Variants in TLN2 observed in about 807,000 individuals in gnomAD.
TLN2 encodes talin-2.
A neutral mutation model predicts 294.7 loss-of-function variants in TLN2; 118 were observed. The observed-to-expected ratio is 0.40, with a 90% CI of 0.34 to 0.47. The LOEUF is 0.47. TLN2 is among the 20% of genes least tolerant of loss of function. The pLI is 0.84. For missense variants in TLN2, 3,083 were observed against 3,282.2 expected (o/e 0.94, Z 1.48); for synonymous variants, 1,431 against 1,304.5 (o/e 1.10, Z -2.09).
chr15:62,737,133 G>T, intron 29 of TLN2, 47 bp downstream of exon 29: 1 of 1,597,642 alleles, frequency 6.3e-7, no homozygotes, highest in Non-Finnish European at 8.6e-7. Context: ...CATCATTAAC[G>T]TGGACATGTG....
At chr15:62,615,334 A>G (rs1000352663) in intron 2 of TLN2, among the ~76,000 whole-genome samples, 8 of 152,218 alleles carry the variant, frequency 5.3e-5, no homozygotes, top group Non-Finnish European at 1.0e-4. Context: ...TTTGGCCCAT[A>G]GCATATTTAA....
At chr15:62,725,244 C>T in intron 27 of TLN2, 140 bp downstream of exon 27, 2 of 1,295,278 alleles carry the variant, frequency 1.5e-6, no homozygotes, top group South Asian at 3.4e-5. Context: ...AAAGAATGCC[C>T]AGGGCAGCTG....
chr15:62,485,665 T>C (rs1342261173), intron 1 of TLN2, among the ~76,000 whole-genome samples: 1 of 152,204 alleles, frequency 6.6e-6, no homozygotes, highest in Non-Finnish European at 1.5e-5. Flanking sequence ...CTCCCCTGCT[T>C]AGTTAAATCA....
At chr15:62,463,678 G>T (rs758763859) in intron 1 of TLN2, among the ~76,000 whole-genome samples, 2 of 152,194 alleles carry the variant, frequency 1.3e-5, no homozygotes, top group African/African-American at 2.4e-5. Context: ...GAGGTCAGGA[G>T]ATCGAGACCA....
At chr15:62,583,485 C>T (rs960858013) in intron 1 of TLN2, among the ~76,000 whole-genome samples, 1 of 150,858 alleles carries the variant, frequency 6.6e-6, no homozygotes, top group Non-Finnish European at 1.5e-5. Flanking sequence ...CTCTTTTCTC[C>T]TCTCGCCCTT....
At chr15:62,503,940 G>A (rs961909657) in intron 1 of TLN2, among the ~76,000 whole-genome samples, 2 of 152,112 alleles carry the variant, frequency 1.3e-5, no homozygotes, top group African/African-American at 4.8e-5. Context: ...GGAATCTCAC[G>A]TAGAAAAAAG....
intron 1 of TLN2, among the ~76,000 whole-genome samples, chr15:62,494,828 C>G (rs2038936757): frequency 6.6e-6 from 1 of 152,146 alleles, no homozygotes; most frequent in African/African-American, 2.4e-5. Flanking sequence ...TTCTAAGCAG[C>G]CCCCTTGCTA....
intron 27 of TLN2, among the ~76,000 whole-genome samples, chr15:62,725,684 G>C (rs189511979): frequency 2.6e-5 from 4 of 152,260 alleles, no homozygotes; most frequent in East Asian, 3.9e-4. Flanking sequence ...TACACACACA[G>C]TGTAGTTTAT....
chr15:62,592,446 A>G (rs113713622), intron 2 of TLN2, among the ~76,000 whole-genome samples: 96 of 152,208 alleles, frequency 6.3e-4, no homozygotes, highest in Non-Finnish European at 1.1e-3. Flanking sequence ...TCTACCCAGG[A>G]ATGTTTATTC....
rs142602747 is a variant in TLN2, at chr15:62,792,640, G to A, written c.5737-1G>A. Reference sequence around the variant, plus strand: ...TCCCCATCCTGGGCTTGCCTCTGCAGATCGGATTCCAGATTCGCACTCGTG... The same window carrying A: ...TCCCCATCCTGGGCTTGCCTCTGCAAATCGGATTCCAGATTCGCACTCGTG... On this transcript the variant is annotated splice_acceptor_variant, in intron 45 of 58. Transcript: ENST00000636159. LOFTEE classifies it high-confidence loss of function. The A allele has an allele frequency of 1.9e-6, 3 of 1,612,834 alleles. No homozygotes were observed. In the African/African-American group the frequency reaches 4.0e-5, roughly 22 times the overall value.
chr15:62,798,850 A>G lies in TLN2; in HGVS notation c.6234+1448A>G, dbSNP rs566831347. On this transcript the variant is annotated intron_variant, in intron 48 of 58. Transcript: ENST00000636159. ...TTTCATCCTTTCTGTTGGATTTCTG[A>G]TAACATCAGAGTCCAGATTGGCTGC... 4.6e-5 allele frequency among the ~76,000 whole-genome samples: 7 copies of G among 152,328 alleles called. No individual in the cohort carries two copies. The East Asian group carries it at 1.2e-3, about 25-fold the overall frequency.
chr15:62,590,538 G>A (rs992139202), intron 2 of TLN2, among the ~76,000 whole-genome samples: 9 of 152,116 alleles, frequency 5.9e-5, no homozygotes, highest in Non-Finnish European at 1.2e-4. Flanking sequence ...CGGTGTATAT[G>A]TACCACATTT....
chr15:62,482,602 CAA>C (rs781297837), intron 1 of TLN2, among the ~76,000 whole-genome samples: 15,918 of 75,280 alleles, frequency 0.21, 905 homozygotes, highest in East Asian at 0.52. Context: ...AACGTTGTCT[CAA>C]AAAAAAAAAA....
chr15:62,521,549 A>G (rs918347763), intron 1 of TLN2, among the ~76,000 whole-genome samples: 5 of 152,154 alleles, frequency 3.3e-5, no homozygotes, highest in Admixed American at 6.5e-5. Flanking sequence ...AGCTTTGTCT[A>G]AAGACTTAAG....
chr15:62,604,353 A>G (rs989146612), intron 2 of TLN2, among the ~76,000 whole-genome samples: 2 of 151,870 alleles, frequency 1.3e-5, no homozygotes, highest in African/African-American at 4.8e-5. Context: ...CCATTTCTTA[A>G]AAACAAAAAC....
chr15:62,756,224 G>A (rs1039120590), intron 37 of TLN2, among the ~76,000 whole-genome samples: 2 of 152,180 alleles, frequency 1.3e-5, no homozygotes, highest in Admixed American at 1.3e-4. Context: ...GTTTTAAGTG[G>A]AGCGTCAACT....
chr15:62,670,770 G>A (rs1278495903), intron 9 of TLN2, among the ~76,000 whole-genome samples: 2 of 152,166 alleles, frequency 1.3e-5, no homozygotes, highest in Admixed American at 1.3e-4. Flanking sequence ...GTGAACGTTT[G>A]TGTACAAGTT....
chr15:62,532,209 C>T (rs79207354), intron 1 of TLN2, among the ~76,000 whole-genome samples: 11,149 of 151,988 alleles, frequency 0.073, 869 homozygotes, highest in African/African-American at 0.2. Flanking sequence ...GCCACCATGC[C>T]TAATGTCGTG....
At chr15:62,549,524 T>TCCATCCATCCATC (rs2042182284) in intron 1 of TLN2, among the ~76,000 whole-genome samples, 1 of 107,452 alleles carries the variant, frequency 9.3e-6, no homozygotes, top group South Asian at 3.5e-4. Context: ...ATCCATCCAG[T>TCCATCCATCCATC]GAGTTCCTGC....
Sources: allele counts gnomAD v4.1 joint callset (sites outside exome capture counted in the v4.1 genomes callset), GRCh38; gene constraint gnomAD v4.1.1; transcripts MANE v1.5; gene names NCBI Gene and HGNC (gene_info 2026-07-23, HGNC 2026-07-21).